The following ADAM12 variants were observed in gnomAD, a reference collection of about 807,000 sequenced individuals.
The protein encoded by ADAM12 is disintegrin and metalloproteinase domain-containing protein 12.
A neutral mutation model predicts 106.4 loss-of-function variants in ADAM12; 70 were observed. The observed-to-expected ratio is 0.66, with a 90% CI of 0.54 to 0.80. The LOEUF (loss-of-function observed/expected upper bound fraction) is 0.80, where lower values mean the gene tolerates loss of function less well. Ranked by LOEUF, ADAM12 falls within the 30% of genes least tolerant of loss-of-function variation. The pLI is 0.00. For synonymous variants in ADAM12, 420 were observed against 433.5 expected, an observed-to-expected ratio of 0.97 and a Z score of 0.39; for missense variants, 1,010 against 1,171.9, an observed-to-expected ratio of 0.86 and a Z score of 2.02.
At chr10:126,047,694 T>C (rs1674900) in intron 16 of ADAM12, among the ~76,000 whole-genome samples, 109,093 of 152,148 alleles carry the variant, frequency 0.72, 40,783 homozygotes, top group East Asian at 0.93. Flanking sequence ...ATACTGCTGG[T>C]GGAGTGTAAA....
chr10:126,119,559 T>C (rs928555436), intron 5 of ADAM12, among the ~76,000 whole-genome samples: 7 of 152,238 alleles, frequency 4.6e-5, no homozygotes, highest in Non-Finnish European at 8.8e-5. Context: ...GGCTCTGTGA[T>C]ATAAAATATA....
At chr10:126,288,707 G>A (rs745425006) in intron 2 of ADAM12, among the ~76,000 whole-genome samples, 13 of 147,040 alleles carry the variant, frequency 8.8e-5, no homozygotes, top group South Asian at 4.2e-4. Flanking sequence ...GGACAGGACC[G>A]TGTGGTGACA....
intron 3 of ADAM12, among the ~76,000 whole-genome samples, chr10:126,231,802 G>A (rs1263741008): frequency 1.3e-5 from 2 of 152,182 alleles, no homozygotes; most frequent in Non-Finnish European, 2.9e-5. Context: ...GTGTTGGGCT[G>A]TGGAGGAGAT....
chr10:126,138,814 T>C (rs1265981962), intron 4 of ADAM12, among the ~76,000 whole-genome samples: 2 of 68,052 alleles, frequency 2.9e-5, no homozygotes, highest in Non-Finnish European at 5.0e-5. Context: ...GATCTACACA[T>C]ATCTTTTTCT....
intron 17 of ADAM12, among the ~76,000 whole-genome samples, chr10:126,045,319 A>G (rs1954286884): frequency 6.6e-6 from 1 of 152,216 alleles, no homozygotes; most frequent in African/African-American, 2.4e-5. Context: ...CTGAGGTGAC[A>G]CTGTGATCCT....
chr10:126,108,628 G>A lies in ADAM12; in HGVS notation c.706C>T (p.Gln236Ter). The A allele has an allele frequency of 6.2e-7, 1 of 1,614,104 alleles. No homozygotes were observed. The highest frequency in any genetic ancestry group is 8.5e-7 in the Non-Finnish European group (1 of 1,179,946). The change falls in exon 8 of 23, where the codon CAG becomes TAG. Residue 236 changes from glutamine (Q) to a stop codon, truncating the protein, a stop_gained. Coordinates refer to ENST00000448723, the MANE Select transcript of ADAM12 (RefSeq NM_001288973.2). LOFTEE classifies it high-confidence loss of function. ...RQGKDLEKVK[Q>*]RLIEIANHVD... is the part of the protein sequence containing the mutation. ...TGATTAGCAATCTCTATTAATCGCT[G>A]CTTAACTTTTTCCAGATCTTTTCCT...
intron 4 of ADAM12, among the ~76,000 whole-genome samples, chr10:126,149,854 C>T (rs56039986): frequency 1.7e-3 from 259 of 152,280 alleles, no homozygotes; most frequent in Middle Eastern, 3.4e-3. Flanking sequence ...CTTCCTTGCT[C>T]CTCAACTTGC....
intron 3 of ADAM12, among the ~76,000 whole-genome samples, chr10:126,251,788 T>G (rs111068427): frequency 2.0e-4 from 2 of 10,072 alleles, no homozygotes; most frequent in South Asian, 2.8e-3. Context: ...ATGGATTGGA[T>G]GGATGGATGG....
At chr10:126,379,251 T>C (rs968598236) in intron 1 of ADAM12, among the ~76,000 whole-genome samples, 4 of 152,232 alleles carry the variant, frequency 2.6e-5, no homozygotes, top group Non-Finnish European at 4.4e-5. Flanking sequence ...CATATGTTTA[T>C]TGCAGCACTA....
In ADAM12 at chr10:126,361,235, G is replaced by A. The variant is rs1855733870; in HGVS notation, c.88+26823C>T. On this transcript the variant is annotated intron_variant, in intron 1 of 22. Transcript: ENST00000448723. ...AATATTAGAAATAAATTTAAGCAAG[G>A]AGTTAAAGAACTTGTATATTGAAAA... 2.0e-5 allele frequency among the ~76,000 whole-genome samples: 3 copies of A among 152,086 alleles called. No homozygotes were observed. In the South Asian group the frequency reaches 6.3e-4, roughly 32 times the overall value.
At chr10:126,038,886 A>C (rs921971195) in intron 19 of ADAM12, among the ~76,000 whole-genome samples, 6 of 151,898 alleles carry the variant, frequency 4.0e-5, no homozygotes, top group African/African-American at 1.5e-4. Context: ...TGATCCAGAA[A>C]ATCTGACCTT....
intron 2 of ADAM12, among the ~76,000 whole-genome samples, chr10:126,283,515 G>A (rs906689298): frequency 9.2e-5 from 14 of 152,284 alleles, no homozygotes; most frequent in Non-Finnish European, 1.8e-4. Flanking sequence ...GTGCAACTGC[G>A]GCTCACTGGG....
At chr10:126,353,251 A>G (rs1855424109) in intron 1 of ADAM12, among the ~76,000 whole-genome samples, 1 of 152,228 alleles carries the variant, frequency 6.6e-6, no homozygotes. Context: ...ATTTAGCACC[A>G]GCTATGTGCT....
chr10:126,361,947 A>C (rs151024299), intron 1 of ADAM12, among the ~76,000 whole-genome samples: 1 of 152,318 alleles, frequency 6.6e-6, no homozygotes, highest in African/African-American at 2.4e-5. Context: ...ATTACATCAA[A>C]CTAAAAAGCT....
chr10:126,215,764 A>T (rs552167291), intron 3 of ADAM12, among the ~76,000 whole-genome samples: 12 of 152,308 alleles, frequency 7.9e-5, no homozygotes, highest in Middle Eastern at 3.4e-3. Context: ...TGTACCAGTG[A>T]CAGTAAATTG....
intron 2 of ADAM12, among the ~76,000 whole-genome samples, chr10:126,291,605 G>C (rs767303760): frequency 6.6e-6 from 1 of 152,158 alleles, no homozygotes; most frequent in Non-Finnish European, 1.5e-5. Context: ...GCTGTGTCTT[G>C]AGGCATTCAT....
At chr10:126,129,810 C>G (rs1190486887) in intron 5 of ADAM12, among the ~76,000 whole-genome samples, 1 of 152,190 alleles carries the variant, frequency 6.6e-6, no homozygotes, top group Non-Finnish European at 1.5e-5. Context: ...GTACTTCATT[C>G]CCTCCATTCA....
intron 14 of ADAM12, among the ~76,000 whole-genome samples, chr10:126,063,474 C>T (rs1484310246): frequency 1.3e-5 from 2 of 152,206 alleles, no homozygotes; most frequent in African/African-American, 4.8e-5. Flanking sequence ...TTTCCCTCAT[C>T]ACTCCTAAAA....
Position 126,064,713 on chromosome 10 carries a change from T to C in ADAM12, c.1609+93A>G. On this transcript the variant is annotated intron_variant, in intron 14 of 22. Transcript: ENST00000448723. This position sits in a 1 kb window ranked among gnomAD's most constrained non-coding sequence, Gnocchi z 4.4. ...CTGTGTGGACAGCGCCCGCCAGGAG[T>C]GGGGGCTAACCAAAACAGAGCACAT... 2 of 1,340,352 alleles carry C rather than the reference T, an allele frequency of 1.5e-6. No individual in the cohort carries two copies. Among genetic ancestry groups the C allele is most frequent in the East Asian group, 2.5e-5 (1 of 39,498 alleles). 83.0% of individuals were successfully genotyped at this position (1,340,352 alleles called of 1,614,324 possible). A position where few individuals can be genotyped will look rare whatever the true frequency, so the allele number is the denominator to read the frequency against.
Sources: gnomAD v4.1 joint callset for allele counts (sites outside exome capture counted in the v4.1 genomes callset) on GRCh38, gnomAD v4.1.1 for gene constraint, Gnocchi (gnomAD v3.1) non-coding constraint, MANE v1.5 for transcripts, NCBI Gene and HGNC (gene_info 2026-07-23, HGNC 2026-07-21) for gene names.